FBXL7: variants seen among roughly 807,000 people sequenced by gnomAD.
FBXL7 encodes the protein F-box/LRR-repeat protein 7.
In FBXL7, 12 loss-of-function variants were observed where a neutral mutation model predicts 38.3. The ratio of observed to expected loss-of-function variants is 0.31; its 90% CI spans 0.20 to 0.51. The LOEUF is 0.51. Ranked by LOEUF, FBXL7 falls within the 20% of genes least tolerant of loss-of-function variation. The pLI is 0.98. For synonymous variants in FBXL7, 297 were observed against 300.9 expected, an observed-to-expected ratio of 0.99 and a Z score of 0.13; for missense variants, 567 against 676.4, an observed-to-expected ratio of 0.84 and a Z score of 1.79.
At chr5:15,715,711 T>C (rs1744023870) in intron 2 of FBXL7, among the ~76,000 whole-genome samples, 1 of 152,208 alleles carries the variant, frequency 6.6e-6, no homozygotes. Context: ...AGGCTATAGT[T>C]TGCTAACACA....
intron 2 of FBXL7, among the ~76,000 whole-genome samples, chr5:15,707,100 C>G (rs927847845): frequency 2.8e-5 from 4 of 144,288 alleles, no homozygotes; most frequent in African/African-American, 1.0e-4. Flanking sequence ...AACATTGGGA[C>G]AAGGATATCA....
chr5:15,647,159 G>T (rs190925838), intron 2 of FBXL7, among the ~76,000 whole-genome samples: 8 of 152,248 alleles, frequency 5.3e-5, no homozygotes, highest in Admixed American at 2.6e-4. Context: ...TGACAAGAAT[G>T]GTGTCAGTCA....
At chr5:15,577,950 T>A (rs930645455) in intron 1 of FBXL7, among the ~76,000 whole-genome samples, 1 of 152,200 alleles carries the variant, frequency 6.6e-6, no homozygotes, top group African/African-American at 2.4e-5. Flanking sequence ...TATTGCAGAT[T>A]GACATGGAGC....
chr5:15,578,042 G>A (rs1343930395), intron 1 of FBXL7, among the ~76,000 whole-genome samples: 4 of 152,104 alleles, frequency 2.6e-5, no homozygotes, highest in African/African-American at 2.4e-5. Flanking sequence ...GATGTAACAC[G>A]GGAACACAGG....
At chr5:15,646,050 C>G (rs1741523774) in intron 2 of FBXL7, among the ~76,000 whole-genome samples, 1 of 152,136 alleles carries the variant, frequency 6.6e-6, no homozygotes, top group Non-Finnish European at 1.5e-5. Flanking sequence ...CACAATTAAC[C>G]CACCAACATG....
chr5:15,661,609 C>T (rs1742077920), intron 2 of FBXL7, among the ~76,000 whole-genome samples: 1 of 152,076 alleles, frequency 6.6e-6, no homozygotes, highest in Admixed American at 6.5e-5. Flanking sequence ...CATAGGCAAG[C>T]TCATGGGGTT....
At chr5:15,531,809 C>T (rs972993356) in intron 1 of FBXL7, among the ~76,000 whole-genome samples, 3 of 152,170 alleles carry the variant, frequency 2.0e-5, no homozygotes, top group Non-Finnish European at 2.9e-5. Flanking sequence ...ATTTTTCTCT[C>T]CCTCCCCTGC....
chr5:15,604,615 A>T (rs888101629), intron 1 of FBXL7, among the ~76,000 whole-genome samples: 1 of 152,166 alleles, frequency 6.6e-6, no homozygotes, highest in Non-Finnish European at 1.5e-5. Flanking sequence ...TCGGCCTCCC[A>T]AAGTGCTGGG....
chr5:15,666,565 T>A (rs1482695341), intron 2 of FBXL7, among the ~76,000 whole-genome samples: 1 of 152,170 alleles, frequency 6.6e-6, no homozygotes, highest in Non-Finnish European at 1.5e-5. Flanking sequence ...ACTTGCTCGT[T>A]TTTTGACAAT....
At chr5:15,750,435 C>G (rs532842405) in intron 2 of FBXL7, among the ~76,000 whole-genome samples, 64 of 152,258 alleles carry the variant, frequency 4.2e-4, no homozygotes, top group African/African-American at 1.4e-3. Flanking sequence ...ACACTATCCT[C>G]TGACCTTGAG....
chr5:15,886,210 G>GGTGTGT (rs140069204), intron 2 of FBXL7, among the ~76,000 whole-genome samples: 21 of 150,080 alleles, frequency 1.4e-4, no homozygotes, highest in African/African-American at 3.6e-4. Context: ...ATAATTTTGA[G>GGTGTGT]GTGTGTGTGT....
chr5:15,653,010 T>A (rs1463633708), intron 2 of FBXL7, among the ~76,000 whole-genome samples: 1 of 152,194 alleles, frequency 6.6e-6, no homozygotes, highest in African/African-American at 2.4e-5. Flanking sequence ...ACACTTACTA[T>A]GTACCCACAA....
At chr5:15,632,022 G>A (rs1196659681) in intron 2 of FBXL7, among the ~76,000 whole-genome samples, 3 of 152,256 alleles carry the variant, frequency 2.0e-5, no homozygotes, top group East Asian at 1.9e-4. Flanking sequence ...GCTAAAGGCC[G>A]ACTACTTGCA....
chr5:15,797,558 T>C (rs1317823530), intron 2 of FBXL7, among the ~76,000 whole-genome samples: 1 of 152,212 alleles, frequency 6.6e-6, no homozygotes, highest in Non-Finnish European at 1.5e-5. Flanking sequence ...AATTCCCCAA[T>C]TGGGCCCCCT....
chr5:15,647,666 T>A (rs1741574613), intron 2 of FBXL7, among the ~76,000 whole-genome samples: 1 of 152,216 alleles, frequency 6.6e-6, no homozygotes, highest in South Asian at 2.1e-4. Context: ...AGAAGAACAC[T>A]TTTTAATCTA....
At chr5:15,534,297 C>T (rs1482518194) in intron 1 of FBXL7, among the ~76,000 whole-genome samples, 4 of 152,080 alleles carry the variant, frequency 2.6e-5, no homozygotes, top group Admixed American at 1.3e-4. Flanking sequence ...GAATAGTTTC[C>T]CTGCCCTAAA....
At chr5:15,727,058 A>C (rs1361600148) in intron 2 of FBXL7, among the ~76,000 whole-genome samples, 1 of 152,168 alleles carries the variant, frequency 6.6e-6, no homozygotes, top group African/African-American at 2.4e-5. Flanking sequence ...ATGCCATTCT[A>C]ATTTGAATTT....
At chr5:15,808,607 A>G (rs1197266407) in intron 2 of FBXL7, among the ~76,000 whole-genome samples, 1 of 152,226 alleles carries the variant, frequency 6.6e-6, no homozygotes, top group Non-Finnish European at 1.5e-5. Context: ...AACCAAACAC[A>G]TAAAGATCAC....
intron 2 of FBXL7, among the ~76,000 whole-genome samples, chr5:15,769,080 C>T (rs527293032): frequency 1.7e-4 from 26 of 152,296 alleles, no homozygotes; most frequent in African/African-American, 4.6e-4. Flanking sequence ...CATAGAGGCA[C>T]GGAGGCTGCA....
Sources: allele counts gnomAD v4.1 joint callset (sites outside exome capture counted in the v4.1 genomes callset), GRCh38; gene constraint gnomAD v4.1.1; transcripts MANE v1.5; gene names NCBI Gene and HGNC (gene_info 2026-07-23, HGNC 2026-07-21).